PAK2: variants seen among roughly 807,000 people sequenced by gnomAD.
The protein encoded by PAK2 is p21 (RAC1) activated kinase 2, also known as serine/threonine-protein kinase PAK 2.
A neutral mutation model predicts 65.9 loss-of-function variants in PAK2; 21 were observed. That is an observed-to-expected ratio of 0.32 (90% CI 0.23 to 0.46). The LOEUF is 0.46. Among genes scored for constraint, PAK2 ranks in the 20% least tolerant of loss-of-function variants. The pLI is 1.00. For missense variants in PAK2, 324 were observed against 642.6 expected (o/e 0.50, Z 5.36); for synonymous variants, 204 against 219.7 (o/e 0.93, Z 0.63).
chr3:196,779,707 C>T (rs112794609), intron 1 of PAK2, among the ~76,000 whole-genome samples: 3,920 of 152,186 alleles, frequency 0.026, 65 homozygotes, highest in Middle Eastern at 0.068. Flanking sequence ...ATGTCTCACT[C>T]TGTTACCCAC....
Position 196,829,879 on chromosome 3 carries a change from T to C in PAK2, c.*1474T>C, listed in dbSNP as rs1712010385. 6.6e-6 allele frequency: 1 copy of C among 152,334 alleles called. No individual in the cohort carries two copies. The highest frequency in any genetic ancestry group is 6.5e-5 in the Admixed American group (1 of 15,290). 9.4% of individuals were successfully genotyped at this position (152,334 alleles called of 1,614,324 possible). ...GTCTGAGACCTGTAGCATTAATTATTTGAGTGCCCTCCCTTCTCCCCTCCC... is the reference window on the plus strand; with the variant it reads ...GTCTGAGACCTGTAGCATTAATTATCTGAGTGCCCTCCCTTCTCCCCTCCC... On this transcript the variant is annotated 3_prime_UTR_variant, in exon 15 of 15. Coordinates refer to ENST00000327134, the MANE Select transcript of PAK2 (RefSeq NM_002577.4).
chr3:196,827,627 T>A (rs62410766), intron 14 of PAK2, among the ~76,000 whole-genome samples: 1 of 150,730 alleles, frequency 6.6e-6, no homozygotes, highest in Non-Finnish European at 1.5e-5. Context: ...TGGGGAGGGA[T>A]AGCATTAGGA....
Position 196,751,663 on chromosome 3 carries a change from T to TTTTATA in PAK2, c.-22+11507_-22+11508insTTATAT, listed in dbSNP as rs1491521540. Among the ~76,000 whole-genome samples the TTTTATA allele has an allele frequency of 3.3e-4, 15 of 45,716 alleles. 1 individual carries two copies. The highest frequency in any genetic ancestry group is 1.7e-3 in the African/African-American group (15 of 8,772). The allele number at this position is 45,716 out of a possible 152,430, so 30.0% of individuals were successfully genotyped here. Reference sequence around the variant, plus strand: ...CTGTCCCCCCAAAAAACACACAAATTTATTTATATACATATATATATATAT... The same window carrying TTTTATA: ...CTGTCCCCCCAAAAAACACACAAATTTTTATATATTTATATACATATATATATATAT... On this transcript the variant is annotated intron_variant, in intron 1 of 14. Coordinates refer to ENST00000327134, the MANE Select transcript of PAK2 (RefSeq NM_002577.4).
chr3:196,790,596 T>G (rs1244471701), intron 2 of PAK2, among the ~76,000 whole-genome samples: 1 of 152,090 alleles, frequency 6.6e-6, no homozygotes, highest in Non-Finnish European at 1.5e-5. Flanking sequence ...AAAGCTAAGG[T>G]GTAACATGTA....
chr3:196,797,098 A>G (rs1340392026), intron 2 of PAK2, among the ~76,000 whole-genome samples: 1 of 152,230 alleles, frequency 6.6e-6, no homozygotes, highest in Non-Finnish European at 1.5e-5. Flanking sequence ...ATAGACGTTT[A>G]TAGAACACTC....
chr3:196,794,482 C>T (rs759912447), intron 2 of PAK2, among the ~76,000 whole-genome samples: 15 of 152,190 alleles, frequency 9.9e-5, no homozygotes, highest in African/African-American at 2.9e-4. Context: ...GTCCGCCTGG[C>T]GCCAAGTGTG....
chr3:196,751,667 T>TATATATATATATATATATATATATA lies in PAK2; in HGVS notation c.-22+11510_-22+11511insATATATATATATATATATATATATA, dbSNP rs1560089766. ...CCCCCCAAAAAACACACAAATTTAT[T>TATATATATATATATATATATATATA]TATATACATATATATATATATATAT... On this transcript the variant is annotated intron_variant, in intron 1 of 14. Transcript: ENST00000327134. 2.2e-4 allele frequency among the ~76,000 whole-genome samples: 10 copies of TATATATATATATATATATATATATA among 45,088 alleles called. 1 individual carries two copies. Among genetic ancestry groups the TATATATATATATATATATATATATA allele is most frequent in the East Asian group, 4.4e-4 (1 of 2,260 alleles). The allele number at this position is 45,088 out of a possible 152,430, so 29.6% of individuals were successfully genotyped here.
At chr3:196,783,207 T>A (rs1714767201) in intron 2 of PAK2, among the ~76,000 whole-genome samples, 1 of 151,934 alleles carries the variant, frequency 6.6e-6, no homozygotes, top group Non-Finnish European at 1.5e-5. Context: ...GAATTAAGAG[T>A]TTTTGTGATT....
At chr3:196,793,348 T>A (rs544785728) in intron 2 of PAK2, among the ~76,000 whole-genome samples, 2 of 152,268 alleles carry the variant, frequency 1.3e-5, no homozygotes, top group East Asian at 3.9e-4. Context: ...GCTTTCAGAA[T>A]ACCTGCAGCC....
At chr3:196,783,224 T>C (rs991410176) in intron 2 of PAK2, among the ~76,000 whole-genome samples, 1 of 152,160 alleles carries the variant, frequency 6.6e-6, no homozygotes, top group Admixed American at 6.5e-5. Flanking sequence ...GATTCTTGAG[T>C]AGTAAATACT....
chr3:196,754,445 T>G (rs1165418916), intron 1 of PAK2, among the ~76,000 whole-genome samples: 1 of 152,184 alleles, frequency 6.6e-6, no homozygotes, highest in African/African-American at 2.4e-5. Context: ...TTCTGAGGGA[T>G]AAATACACAG....
chr3:196,784,225 T>C (rs1272278246), intron 2 of PAK2, among the ~76,000 whole-genome samples: 1 of 119,114 alleles, frequency 8.4e-6, no homozygotes, highest in Non-Finnish European at 1.9e-5. Flanking sequence ...TTTTTTTTCT[T>C]TTTTTTTTTT....
intron 1 of PAK2, among the ~76,000 whole-genome samples, chr3:196,762,749 C>T (rs1684431): frequency 0.46 from 69,683 of 149,912 alleles, 16,658 homozygotes; most frequent in Non-Finnish European, 0.53. Flanking sequence ...GAGCCGAGAT[C>T]GTGCCATTGC....
chr3:196,759,954 C>T (rs1180354802), intron 1 of PAK2, among the ~76,000 whole-genome samples: 3 of 152,142 alleles, frequency 2.0e-5, no homozygotes, highest in East Asian at 1.9e-4. Context: ...TTCATCTCCC[C>T]GCCGGCCCCA....
intron 4 of PAK2, among the ~76,000 whole-genome samples, chr3:196,804,844 T>TAC (rs1411928226): frequency 8.8e-6 from 1 of 113,612 alleles, no homozygotes; most frequent in Non-Finnish European, 1.9e-5. Context: ...TATATATATA[T>TAC]ACACACACAC....
intron 1 of PAK2, among the ~76,000 whole-genome samples, chr3:196,751,663 T>TATATATATATATA (rs1713589849): frequency 0.024 from 1,104 of 45,354 alleles, 131 homozygotes; most frequent in Non-Finnish European, 0.027. Flanking sequence ...ACACACAAAT[T>TATATATATATATA]TATTTATATA....
chr3:196,786,925 A>G (rs1714908559), intron 2 of PAK2, among the ~76,000 whole-genome samples: 1 of 151,616 alleles, frequency 6.6e-6, no homozygotes, highest in Non-Finnish European at 1.5e-5. Context: ...CCCAGATTCA[A>G]GTGATCCTCC....
chr3:196,787,908 T>C (rs534173156), intron 2 of PAK2, among the ~76,000 whole-genome samples: 5 of 152,374 alleles, frequency 3.3e-5, no homozygotes, highest in African/African-American at 9.6e-5. Flanking sequence ...TGTGTGTGTT[T>C]ACACATCCGT....
chr3:196,740,941 C>G (rs945920431), intron 1 of PAK2, among the ~76,000 whole-genome samples: 2 of 152,174 alleles, frequency 1.3e-5, no homozygotes, highest in African/African-American at 4.8e-5. Flanking sequence ...AGCGTGTCAT[C>G]GTCAGTGGGT....
Sources: allele counts gnomAD v4.1 joint callset (sites outside exome capture counted in the v4.1 genomes callset), GRCh38; gene constraint gnomAD v4.1.1; transcripts MANE v1.5; gene names NCBI Gene and HGNC (gene_info 2026-07-23, HGNC 2026-07-21).